TNFRSF8: variants seen among roughly 807,000 people sequenced by gnomAD.
TNFRSF8 encodes TNF receptor superfamily member 8.
Under a neutral mutation model 70.8 loss-of-function variants are expected in TNFRSF8, and 26 were observed. The observed-to-expected ratio is 0.37, with a 90% CI of 0.27 to 0.51. The LOEUF (loss-of-function observed/expected upper bound fraction) is 0.51. Ranked by LOEUF, TNFRSF8 falls within the 20% of genes least tolerant of loss-of-function variation. The pLI is 0.94. For synonymous variants in TNFRSF8, 356 were observed against 339.2 expected (o/e 1.05, Z -0.54); for missense variants, 720 against 807.9 (o/e 0.89, Z 1.32).
Position 12,112,616 on chromosome 1 carries a change from G to C in TNFRSF8, c.793+602G>C, listed in dbSNP as rs1362525480. On this transcript the variant is annotated intron_variant, in intron 7 of 14. Transcript: ENST00000263932. The surrounding 1 kb of genome is among the most constrained non-coding windows in gnomAD (Gnocchi z 5.3). The stretch of plus-strand genomic sequence containing the variant: ...TCACTATGTTGCCCAGGCTGCTCTC[G>C]AACTCCTGGACTCAAATGGTCCTCC... Among the ~76,000 whole-genome samples the C allele has an allele frequency of 6.6e-6, 1 of 151,982 alleles. No individual in the cohort carries two copies. The highest frequency in any genetic ancestry group is 1.5e-5 in the Non-Finnish European group (1 of 67,984).
chr1:12,099,446 A>G (rs1049291161), intron 3 of TNFRSF8, among the ~76,000 whole-genome samples: 28 of 151,754 alleles, frequency 1.8e-4, no homozygotes, highest in African/African-American at 6.5e-4. Context: ...TTCCCGGCCC[A>G]ATTTCTTATC....
chr1:12,077,766 C>T (rs903581033), intron 1 of TNFRSF8: 2 of 152,110 alleles, frequency 1.3e-5, no homozygotes, highest in South Asian at 4.2e-4. Context: ...GTGGGGTGCC[C>T]GTGGGGTGCC....
In TNFRSF8 at chr1:12,110,316, T is replaced by A; in HGVS notation, c.676+112T>A. ...GCAGTGATCTGTGGTCTTTTCCTGG[T>A]GGGGAGAGAAGACGGTGGTAAGGTA... is the stretch of plus-strand genomic sequence containing the variant. On this transcript the variant is annotated intron_variant, in intron 6 of 14. Transcript: ENST00000263932. The surrounding 1 kb of genome is among the most constrained non-coding windows in gnomAD (Gnocchi z 4.0). 1 of 1,148,748 alleles carries A rather than the reference T, an allele frequency of 8.7e-7. No homozygotes were observed. Among genetic ancestry groups the A allele is most frequent in the Non-Finnish European group, 1.2e-6 (1 of 839,498 alleles). The allele number at this position is 1,148,748 out of a possible 1,614,324, so 71.2% of individuals were successfully genotyped here. A position where few individuals can be genotyped will look rare whatever the true frequency, so the allele number is the denominator to read the frequency against.
chr1:12,082,560 A>C (rs1021314433), intron 1 of TNFRSF8, among the ~76,000 whole-genome samples: 2 of 150,720 alleles, frequency 1.3e-5, no homozygotes, highest in African/African-American at 4.9e-5. Context: ...AAAAAAAAAA[A>C]AAACAAAAAC....
At chr1:12,128,191 G>C (rs1221241457) in intron 12 of TNFRSF8, among the ~76,000 whole-genome samples, 1 of 152,252 alleles carries the variant, frequency 6.6e-6, no homozygotes, top group Non-Finnish European at 1.5e-5. Flanking sequence ...CTTCCTCCTT[G>C]CAGGCTCTGT....
chr1:12,143,677 T>C lies in TNFRSF8; in HGVS notation c.*1146T>C, dbSNP rs1426949585. 2.0e-5 allele frequency: 3 copies of C among 152,242 alleles called. No homozygotes were observed. The highest frequency in any genetic ancestry group is 2.9e-5 in the Non-Finnish European group (2 of 68,084). The allele number at this position is 152,242 out of a possible 1,614,324, so 9.4% of individuals were successfully genotyped here. On this transcript the variant is annotated 3_prime_UTR_variant, in exon 15 of 15. Coordinates refer to ENST00000263932, the MANE Select transcript of TNFRSF8 (RefSeq NM_001243.5). The surrounding 1 kb of genome is among the most constrained non-coding windows in gnomAD (Gnocchi z 4.1). ...TTTCACATTTCACGCTAAGGAGTAG[T>C]GGCCCTGACTTCCGGTCGGCTGGCC... is the stretch of plus-strand genomic sequence containing the variant.
intron 4 of TNFRSF8, among the ~76,000 whole-genome samples, chr1:12,107,060 A>G (rs573216256): frequency 2.6e-5 from 4 of 152,326 alleles, no homozygotes; most frequent in South Asian, 4.1e-4. Flanking sequence ...CAGCTGCCCA[A>G]TGCAGTGCCC....
At position 12,100,039 on chromosome 1, in the gene TNFRSF8, C is replaced by T. The variant is rs548628178; in HGVS notation, c.268+2822C>T. ...CAAAAATTAGCTGGGCGTGGTGGCA[C>T]GTGTCTGTAGTCCCAGCTACTCAAG... On this transcript the variant is annotated intron_variant, in intron 3 of 14. Transcript: ENST00000263932. Among the ~76,000 whole-genome samples the T allele has an allele frequency of 8.6e-5, 13 of 152,012 alleles. No homozygotes were observed. The South Asian group carries it at 2.3e-3, about 27-fold the overall frequency.
intron 3 of TNFRSF8, among the ~76,000 whole-genome samples, chr1:12,097,879 C>G (rs1463464984): frequency 6.6e-6 from 1 of 152,078 alleles, no homozygotes; most frequent in Non-Finnish European, 1.5e-5. Flanking sequence ...GTATAAAGTT[C>G]TCTACATATC....
chr1:12,140,588 C>T (rs970431212), intron 14 of TNFRSF8, among the ~76,000 whole-genome samples: 2 of 152,146 alleles, frequency 1.3e-5, no homozygotes, highest in African/African-American at 2.4e-5. Context: ...CGGGGCAGAC[C>T]CCTCATGGCC....
At chr1:12,082,979 T>TA (rs1322889903) in intron 1 of TNFRSF8, among the ~76,000 whole-genome samples, 1 of 149,242 alleles carries the variant, frequency 6.7e-6, no homozygotes, top group East Asian at 2.0e-4. Flanking sequence ...ACAACCCAAT[T>TA]AAAAAAAAAT....
At chr1:12,134,549 T>C (rs552531056) in intron 12 of TNFRSF8, among the ~76,000 whole-genome samples, 1 of 151,946 alleles carries the variant, frequency 6.6e-6, no homozygotes, top group African/African-American at 2.4e-5. Flanking sequence ...AAGATAGAGG[T>C]TGTGCGTTGA....
At chr1:12,114,628 A>G (rs1391277432) in intron 7 of TNFRSF8, among the ~76,000 whole-genome samples, 1 of 145,766 alleles carries the variant, frequency 6.9e-6, no homozygotes, top group African/African-American at 2.6e-5. Flanking sequence ...GTACAAATGC[A>G]TTATTACACT....
At chr1:12,102,491 C>T (rs995935241) in intron 3 of TNFRSF8, among the ~76,000 whole-genome samples, 2 of 152,124 alleles carry the variant, frequency 1.3e-5, no homozygotes, top group Admixed American at 6.5e-5. Context: ...AGGCCTGTTA[C>T]ACATTAATTA....
At chr1:12,135,517 C>T (rs1303588735) in intron 12 of TNFRSF8, 71 bp from the exon 13 acceptor site, 2 of 1,300,360 alleles carry the variant, frequency 1.5e-6, no homozygotes, top group Middle Eastern at 3.1e-4. Flanking sequence ...GACCATTTGC[C>T]AATAGTTGGG....
intron 13 of TNFRSF8, among the ~76,000 whole-genome samples, chr1:12,136,870 C>CTTTTTTTTTTTTTT (rs201470263): frequency 3.4e-5 from 4 of 118,696 alleles, no homozygotes; most frequent in African/African-American, 6.3e-5. Context: ...ATACTCAGTT[C>CTTTTTTTTTTTTTT]TTTTTTTTTT....
In TNFRSF8 at chr1:12,119,464, G is replaced by T. The variant is rs1641791011; in HGVS notation, c.946+3735G>T. 6.6e-6 allele frequency among the ~76,000 whole-genome samples: 1 copy of T among 151,902 alleles called. No homozygotes were observed. The highest frequency in any genetic ancestry group is 2.4e-5 in the African/African-American group (1 of 41,346). Reference sequence around the variant, plus strand: ...ATTACCCACGCTACATGTAATAGATGCACCACCATGATTTTATCTACCTGC... The same window carrying T: ...ATTACCCACGCTACATGTAATAGATTCACCACCATGATTTTATCTACCTGC... On this transcript the variant is annotated intron_variant, in intron 8 of 14. Coordinates refer to ENST00000263932, the MANE Select transcript of TNFRSF8 (RefSeq NM_001243.5). This position sits in a 1 kb window ranked among gnomAD's most constrained non-coding sequence, Gnocchi z 4.4.
Position 12,111,909 on chromosome 1 carries a change from A to G in TNFRSF8, c.688A>G (p.Thr230Ala). 6.2e-7 allele frequency: 1 copy of G among 1,614,174 alleles called. No homozygotes were observed. The part of the protein sequence containing the change: ...RPSSDPGLSP[T>A]QPCPEGSGDC... ...GCTTCTTTCCCCAGGTCTGTCCCCA[A>G]CACAGCCATGCCCAGAGGGGTCTGG... Residue 230 changes from threonine to alanine, a missense_variant, in exon 7 of 15, where the codon ACA becomes GCA. Transcript: ENST00000263932.
chr1:12,109,896 G>A lies in TNFRSF8; in HGVS notation c.513-145G>A. ...ACAGGGCTTAGAAAACACAGGCCTT[G>A]CTCCCAGGAGCTTACAGTGGGCCCG... is the stretch of plus-strand genomic sequence containing the variant. On this transcript the variant is annotated intron_variant, in intron 5 of 14. Coordinates refer to ENST00000263932, the MANE Select transcript of TNFRSF8 (RefSeq NM_001243.5). The surrounding 1 kb of genome is among the most constrained non-coding windows in gnomAD (Gnocchi z 4.4). 9.4e-7 allele frequency: 1 copy of A among 1,065,414 alleles called. No individual in the cohort carries two copies. The highest frequency in any genetic ancestry group is 2.4e-5 in the East Asian group (1 of 40,958). The allele number at this position is 1,065,414 out of a possible 1,614,324, so 66.0% of individuals were successfully genotyped here. A position where few individuals can be genotyped will look rare whatever the true frequency, so the allele number is the denominator to read the frequency against.
Sources: allele counts gnomAD v4.1 joint callset (sites outside exome capture counted in the v4.1 genomes callset), GRCh38; gene constraint gnomAD v4.1.1; non-coding constraint Gnocchi (gnomAD v3.1); transcripts MANE v1.5; gene names NCBI Gene and HGNC (gene_info 2026-07-23, HGNC 2026-07-21).